The following DNAH6 variants were observed in gnomAD, a reference collection of about 807,000 sequenced individuals.
DNAH6 encodes the protein axonemal beta dynein heavy chain 6.
A neutral mutation model predicts 491.4 loss-of-function variants in DNAH6; 340 were observed. The observed-to-expected ratio is 0.69, with a 90% CI of 0.63 to 0.76. The LOEUF is 0.76. Among genes scored for constraint, DNAH6 ranks in the 30% least tolerant of loss-of-function variants. The pLI, the probability that DNAH6 is intolerant of heterozygous loss-of-function variation, is 0.00. For synonymous variants in DNAH6, 1,603 were observed against 1,686.1 expected, an observed-to-expected ratio of 0.95 and a Z score of 1.21; for missense variants, 4,443 against 4,972.2, an observed-to-expected ratio of 0.89 and a Z score of 3.20.
At chr2:84,624,181 C>G (rs924781399) in intron 26 of DNAH6, 84 bp from the exon 27 acceptor site, 1 of 1,271,718 alleles carries the variant, frequency 7.9e-7, no homozygotes, top group Non-Finnish European at 1.1e-6. Flanking sequence ...AGCAATGTCT[C>G]TCCAAATTGA....
chr2:84,579,679 G>T lies in DNAH6; in HGVS notation c.2229G>T (p.Arg743=). 6.3e-7 allele frequency: 1 copy of T among 1,577,546 alleles called. No individual in the cohort carries two copies. Among genetic ancestry groups the T allele is most frequent in the Non-Finnish European group, 8.6e-7 (1 of 1,165,036 alleles). Residue 743 remains arginine (R), a splice_region_variant and synonymous_variant, in exon 14 of 77, where the codon CGG becomes CGT. Coordinates refer to ENST00000389394, the MANE Select transcript of DNAH6 (RefSeq NM_001370.2). ...SLLFLDEIQE[R]IESLEDEGNI... is the part of the protein sequence containing the mutation. ...TATTTCTTGATGAAATTCAGGAACG[G>T]GTGAGTTGATTATCTCATATAACTC...
At chr2:84,797,878 A>G (rs1303835875) in intron 70 of DNAH6, among the ~76,000 whole-genome samples, 2 of 152,190 alleles carry the variant, frequency 1.3e-5, no homozygotes, top group African/African-American at 4.8e-5. Flanking sequence ...GTCACTGGCC[A>G]AGCCCCTACA....
intron 76 of DNAH6, among the ~76,000 whole-genome samples, chr2:84,816,577 G>A (rs1304623101): frequency 1.3e-5 from 2 of 152,128 alleles, no homozygotes; most frequent in South Asian, 2.1e-4. Flanking sequence ...CAAAAAATTA[G>A]CCAGGCATGG....
chr2:84,575,394 A>C (rs1682322648), intron 12 of DNAH6, among the ~76,000 whole-genome samples: 2 of 152,286 alleles, frequency 1.3e-5, no homozygotes, highest in Admixed American at 6.5e-5. Flanking sequence ...TTTACTGAGC[A>C]CTTACAGCAT....
At chr2:84,496,540 T>C in the DNAH6 span, among the ~76,000 whole-genome samples, 1 of 152,208 alleles carries the variant, frequency 6.6e-6, no homozygotes, top group South Asian at 2.1e-4. Context: ...GAGATATTCA[T>C]GTGAATCACC....
the DNAH6 span, among the ~76,000 whole-genome samples, chr2:84,480,119 G>T: frequency 4.6e-5 from 7 of 152,134 alleles, no homozygotes; most frequent in African/African-American, 1.7e-4. Flanking sequence ...GCCTTTACTT[G>T]ATTTGGCTTT....
chr2:84,749,110 C>A (rs1237756776), intron 63 of DNAH6, among the ~76,000 whole-genome samples: 2 of 152,154 alleles, frequency 1.3e-5, no homozygotes, highest in African/African-American at 2.4e-5. Flanking sequence ...CCAAACACCG[C>A]CCACTAGGCC....
intron 58 of DNAH6, among the ~76,000 whole-genome samples, chr2:84,716,742 AAGG>A (rs72323786): frequency 0.034 from 5,197 of 152,162 alleles, 290 homozygotes; most frequent in African/African-American, 0.11. Flanking sequence ...CTGGGACAAG[AAGG>A]AGAAGTGCCC....
chr2:84,525,132 T>G (rs1280792221), intron 2 of DNAH6, among the ~76,000 whole-genome samples: 1 of 152,104 alleles, frequency 6.6e-6, no homozygotes, highest in South Asian at 2.1e-4. Flanking sequence ...TAGCCTAAGA[T>G]AATGCCACCT....
At chr2:84,791,668 A>G (rs888028947) in intron 68 of DNAH6, among the ~76,000 whole-genome samples, 6 of 149,772 alleles carry the variant, frequency 4.0e-5, no homozygotes, top group Non-Finnish European at 8.9e-5. Context: ...AATTATATAT[A>G]TAAGAATAGA....
At chr2:84,814,485 G>A (rs944269500) in intron 75 of DNAH6, among the ~76,000 whole-genome samples, 2 of 152,204 alleles carry the variant, frequency 1.3e-5, no homozygotes, top group Non-Finnish European at 2.9e-5. Flanking sequence ...ATGTGCTGGA[G>A]CAATTGTTAA....
intron 64 of DNAH6, among the ~76,000 whole-genome samples, chr2:84,765,993 T>C (rs1675040352): frequency 6.6e-6 from 1 of 152,028 alleles, no homozygotes; most frequent in African/African-American, 2.4e-5. Flanking sequence ...CTACATGGTA[T>C]ACAAAACAAT....
rs116425351 is a variant in DNAH6 at position 84,638,180 on chromosome 2, G to A, written c.4821+803G>A. Among the ~76,000 whole-genome samples, 513 of 152,104 alleles carry A rather than the reference G, an allele frequency of 3.4e-3. 2 individuals carry two copies. Among genetic ancestry groups the A allele is most frequent in the African/African-American group, 0.012 (484 of 41,512 alleles). Reference sequence around the variant, plus strand: ...AAAAGAATTGATATATTCACATTTTGTACTTTTTTACAAAAGAGAAACAGG... The same window carrying A: ...AAAAGAATTGATATATTCACATTTTATACTTTTTTACAAAAGAGAAACAGG... On this transcript the variant is annotated intron_variant, in intron 31 of 76. Transcript: ENST00000389394.
chr2:84,703,795 T>C (rs1182522104), intron 50 of DNAH6, among the ~76,000 whole-genome samples: 1 of 152,054 alleles, frequency 6.6e-6, no homozygotes, highest in Non-Finnish European at 1.5e-5. Context: ...GCCCAATGAA[T>C]AGGACAGAGA....
At chr2:84,502,703 A>G in the DNAH6 span, among the ~76,000 whole-genome samples, 2 of 152,094 alleles carry the variant, frequency 1.3e-5, no homozygotes, top group Non-Finnish European at 2.9e-5. Context: ...TATATTTATA[A>G]TTGTTATATT....
intron 74 of DNAH6, 89 bp from the exon 75 acceptor site, chr2:84,813,882 C>A: frequency 7.2e-7 from 1 of 1,380,158 alleles, no homozygotes; most frequent in Non-Finnish European, 9.9e-7. Context: ...CTCTCTAATG[C>A]CAGGGCAGCC....
chr2:84,597,451 A>T (rs1046022937), intron 18 of DNAH6, among the ~76,000 whole-genome samples: 1 of 152,224 alleles, frequency 6.6e-6, no homozygotes, highest in Admixed American at 6.5e-5. Context: ...GACAGATTAT[A>T]TAGGAATAAG....
Position 84,557,918 on chromosome 2 carries a change from A to ATT in DNAH6, c.1787_1788dup (p.Ile597LeufsTer5). 1 of 1,607,596 alleles carries ATT rather than the reference A, an allele frequency of 6.2e-7. No homozygotes were observed. The highest frequency in any genetic ancestry group is 8.5e-7 in the Non-Finnish European group (1 of 1,175,632). ...TGAGGATGATAAGAATTTTCACACA[A>ATT]TTATTTCTCAAATAAAGGTATGTTT... On this transcript the variant is annotated frameshift_variant, in exon 11 of 77. Transcript: ENST00000389394. LOFTEE classifies it high-confidence loss of function.
At chr2:84,509,906 A>G in the DNAH6 span, among the ~76,000 whole-genome samples, 11 of 152,014 alleles carry the variant, frequency 7.2e-5, no homozygotes, top group African/African-American at 2.7e-4. Context: ...ATTGGCCCCC[A>G]CTCTCTTCTG....
Sources: gnomAD v4.1 joint callset for allele counts (sites outside exome capture counted in the v4.1 genomes callset) on GRCh38, gnomAD v4.1.1 for gene constraint, MANE v1.5 for transcripts, NCBI Gene and HGNC (gene_info 2026-07-23, HGNC 2026-07-21) for gene names.